The following METTL15 variants were observed in gnomAD, a reference collection of about 807,000 sequenced individuals.
METTL15 encodes the protein methyltransferase 15, mitochondrial 12S rRNA N4-cytidine, also known as 12S rRNA N(4)-cytidine methyltransferase METTL15.
In METTL15, 34 loss-of-function variants were observed where a neutral mutation model predicts 38.3. The ratio of observed to expected loss-of-function variants is 0.89; its 90% CI spans 0.68 to 1.18. The LOEUF is 1.18. Ranked by LOEUF, METTL15 falls within the 50% of genes most tolerant of loss-of-function variation. The pLI is 0.00. For missense variants in METTL15, 438 were observed against 498.4 expected, an observed-to-expected ratio of 0.88 and a Z score of 1.15; for synonymous variants, 162 against 170.9, an observed-to-expected ratio of 0.95 and a Z score of 0.41.
intron 3 of METTL15, among the ~76,000 whole-genome samples, chr11:28,159,017 C>T (rs1349219546): frequency 1.3e-5 from 2 of 152,128 alleles, no homozygotes; most frequent in Non-Finnish European, 2.9e-5. Context: ...TTACCATCAA[C>T]CCTAGTGATA....
At chr11:28,436,796 A>G (rs918488232) in intron 6 of METTL15, among the ~76,000 whole-genome samples, 2 of 152,110 alleles carry the variant, frequency 1.3e-5, no homozygotes, top group Admixed American at 1.3e-4. Flanking sequence ...GTTAATATTG[A>G]GTGTCAACTT....
intron 6 of METTL15, among the ~76,000 whole-genome samples, chr11:28,448,113 C>T (rs1304116415): frequency 6.6e-6 from 1 of 151,778 alleles, no homozygotes; most frequent in Non-Finnish European, 1.5e-5. Context: ...ATCCTTCTCA[C>T]TTTCATCACA....
chr11:28,502,404 A>C (rs1204967591), intron 6 of METTL15, among the ~76,000 whole-genome samples: 1 of 152,216 alleles, frequency 6.6e-6, no homozygotes, highest in Non-Finnish European at 1.5e-5. Context: ...TATGTAAATG[A>C]GCAGGTGAAT....
At chr11:28,199,696 G>A (rs1263662521) in intron 3 of METTL15, among the ~76,000 whole-genome samples, 1 of 151,342 alleles carries the variant, frequency 6.6e-6, no homozygotes, top group Non-Finnish European at 1.5e-5. Context: ...TGTAAAATGG[G>A]ATTACATTAT....
At chr11:28,337,211 T>C (rs895615332), downstream of METTL15, among the ~76,000 whole-genome samples, 7 of 152,136 alleles carry the variant, frequency 4.6e-5, no homozygotes, top group African/African-American at 1.7e-4. Flanking sequence ...GGTAAAAAAC[T>C]TACTTTAAGC....
At chr11:28,429,235 C>T (rs1389907207) in intron 6 of METTL15, among the ~76,000 whole-genome samples, 1 of 152,194 alleles carries the variant, frequency 6.6e-6, no homozygotes, top group Non-Finnish European at 1.5e-5. Context: ...ACTGCAATGT[C>T]TTGGGGGAGA....
At chr11:28,497,070 G>C (rs1419870653) in intron 6 of METTL15, among the ~76,000 whole-genome samples, 4 of 152,176 alleles carry the variant, frequency 2.6e-5, no homozygotes, top group Non-Finnish European at 5.9e-5. Context: ...CTGGTTTAAG[G>C]ATAAAGGAGA....
intron 4 of METTL15, among the ~76,000 whole-genome samples, chr11:28,233,362 T>C (rs1047823847): frequency 1.3e-5 from 2 of 152,084 alleles, no homozygotes; most frequent in African/African-American, 4.8e-5. Context: ...TTTAAAGTAA[T>C]TTTCTTGTAT....
At chr11:28,175,789 C>G (rs576038060) in intron 3 of METTL15, among the ~76,000 whole-genome samples, 1 of 152,272 alleles carries the variant, frequency 6.6e-6, no homozygotes, top group Non-Finnish European at 1.5e-5. Context: ...TTGCCCTAAT[C>G]TTGGCCACTA....
intron 6 of METTL15, among the ~76,000 whole-genome samples, chr11:28,459,678 T>C (rs941677813): frequency 1.3e-5 from 2 of 152,178 alleles, no homozygotes; most frequent in African/African-American, 4.8e-5. Context: ...GAATCTGGGC[T>C]GAAAAAACCA....
chr11:28,268,249 AAAT>A (rs1855511437), intron 4 of METTL15, among the ~76,000 whole-genome samples: 1 of 151,246 alleles, frequency 6.6e-6, no homozygotes, highest in East Asian at 1.9e-4. Context: ...TTTAGTATAG[AAAT>A]AATAATTGTA....
chr11:28,190,654 T>TA (rs1282569345), intron 3 of METTL15, among the ~76,000 whole-genome samples: 1 of 151,234 alleles, frequency 6.6e-6, no homozygotes, highest in Non-Finnish European at 1.5e-5. Flanking sequence ...TATTATTAAA[T>TA]AAAAAGCTTA....
At chr11:28,274,901 G>A (rs999071102) in intron 4 of METTL15, among the ~76,000 whole-genome samples, 8 of 151,502 alleles carry the variant, frequency 5.3e-5, no homozygotes, top group African/African-American at 1.7e-4. Context: ...AAACCTGCAC[G>A]TTGTGCACAT....
chr11:28,295,179 C>T (rs1856685197), intron 5 of METTL15, among the ~76,000 whole-genome samples: 1 of 152,036 alleles, frequency 6.6e-6, no homozygotes, highest in Non-Finnish European at 1.5e-5. Flanking sequence ...CTTTTATGTT[C>T]CAGGCATTGT....
At chr11:28,153,890 A>G (rs1850176708) in intron 3 of METTL15, among the ~76,000 whole-genome samples, 1 of 152,142 alleles carries the variant, frequency 6.6e-6, no homozygotes, top group African/African-American at 2.4e-5. Flanking sequence ...AGTTGGAAGG[A>G]TGAGCTAAGC....
chr11:28,423,648 A>G (rs908927861), intron 5 of METTL15, among the ~76,000 whole-genome samples: 7 of 152,122 alleles, frequency 4.6e-5, no homozygotes, highest in Non-Finnish European at 1.0e-4. Context: ...GAAGCTAAGA[A>G]TTAAAACAAT....
At chr11:28,175,845 A>G (rs1851053409) in intron 3 of METTL15, among the ~76,000 whole-genome samples, 1 of 152,136 alleles carries the variant, frequency 6.6e-6, no homozygotes, top group African/African-American at 2.4e-5. Flanking sequence ...CTCTTCATGC[A>G]CAAGACAAAT....
chr11:28,208,568 G>GA (rs1435998814), intron 3 of METTL15, among the ~76,000 whole-genome samples: 1 of 151,970 alleles, frequency 6.6e-6, no homozygotes, highest in African/African-American at 2.4e-5. Context: ...GTGTGGTGCT[G>GA]AAAAAAATGT....
chr11:28,414,280 C>A (rs1850753356), intron 5 of METTL15, among the ~76,000 whole-genome samples: 1 of 152,032 alleles, frequency 6.6e-6, no homozygotes, highest in Admixed American at 6.6e-5. Flanking sequence ...ACAGGGGAAG[C>A]AACTTCTGAG....
Sources: gnomAD v4.1 joint callset for allele counts (sites outside exome capture counted in the v4.1 genomes callset) on GRCh38, gnomAD v4.1.1 for gene constraint, MANE v1.5 for transcripts, NCBI Gene and HGNC (gene_info 2026-07-23, HGNC 2026-07-21) for gene names.